Variants in CFAP65 observed in about 807,000 individuals in gnomAD.
The protein encoded by CFAP65 is cilia- and flagella-associated protein 65.
Under a neutral mutation model 208.0 loss-of-function variants are expected in CFAP65, and 155 were observed. The ratio of observed to expected loss-of-function variants is 0.75; its 90% CI spans 0.65 to 0.85. CFAP65 has a LOEUF of 0.85. Ranked by LOEUF, CFAP65 falls within the 40% of genes least tolerant of loss-of-function variation. CFAP65 has a pLI of 0.00. For synonymous variants in CFAP65, 970 were observed against 986.3 expected (o/e 0.98, Z 0.31); for missense variants, 2,294 against 2,451.3 (o/e 0.94, Z 1.36).
chr2:219,038,491 T>C lies in CFAP65; in HGVS notation c.241A>G (p.Ser81Gly), dbSNP rs1242448854. ...CCAGAGTTCACGGTGTGGTTCCTGCTGTTCCTGGACCTCACGACGGAGCTT... is the reference window on the plus strand; with the variant it reads ...CCAGAGTTCACGGTGTGGTTCCTGCCGTTCCTGGACCTCACGACGGAGCTT... ...APSSVVRSRN[S>G]RNHTVNSGGS... The change falls in exon 4 of 35, where the codon AGC becomes GGC. Residue 81 changes from serine (S) to glycine (G), a missense_variant. Ser to Gly is a moderately conservative substitution (Grantham distance 56). Around this residue, in one of 2 missense-constraint regions of CFAP65, gnomAD observed 867 missense variants for 1,012.6 expected, o/e 0.86. Transcript: ENST00000341552. 1.2e-6 allele frequency: 2 copies of C among 1,614,194 alleles called. No individual in the cohort carries two copies. Among genetic ancestry groups the C allele is most frequent in the South Asian group, 1.1e-5 (1 of 91,074 alleles).
At position 219,003,343 on chromosome 2, in the gene CFAP65, C is replaced by T. The variant is rs1945713697; in HGVS notation, c.5556-71G>A. ...GCGCCTCCTCGCTCGCCTGTCCGTG[C>T]GGTACATTGTGCCGCGAGCTCTACG... is the stretch of plus-strand genomic sequence containing the variant. On this transcript the variant is annotated intron_variant, in intron 33 of 34. Transcript: ENST00000341552. The surrounding 1 kb of genome is among the most constrained non-coding windows in gnomAD (Gnocchi z 4.4). 4.8e-6 allele frequency: 7 copies of T among 1,458,710 alleles called. No individual in the cohort carries two copies. Among genetic ancestry groups the T allele is most frequent in the Non-Finnish European group, 4.5e-6 (5 of 1,104,676 alleles). The allele number at this position is 1,458,710 out of a possible 1,614,324, so 90.4% of individuals were successfully genotyped here.
rs371625220 is a variant in CFAP65, at chr2:219,030,214, T to C, written c.1162-6A>G. 1.2e-6 allele frequency: 2 copies of C among 1,613,570 alleles called. No individual in the cohort carries two copies. The highest frequency in any genetic ancestry group is 2.2e-5 in the South Asian group (2 of 91,058). On this transcript the variant is annotated splice_region_variant and splice_polypyrimidine_tract_variant and intron_variant, in intron 9 of 34. Coordinates refer to ENST00000341552, the MANE Select transcript of CFAP65 (RefSeq NM_194302.4). ...ATCCTGAAGGGGGCATTTACCTGTGTGGCCAAGCAGAAGGACAAAGGGTCA... is the reference window on the plus strand; with the variant it reads ...ATCCTGAAGGGGGCATTTACCTGTGCGGCCAAGCAGAAGGACAAAGGGTCA...
At position 219,004,929 on chromosome 2, in the gene CFAP65, CCT is replaced by C. The variant is rs994570162; in HGVS notation, c.5052-476_5052-475del. Among the ~76,000 whole-genome samples the C allele has an allele frequency of 6.9e-6, 1 of 144,414 alleles. No individual in the cohort carries two copies. The highest frequency in any genetic ancestry group is 2.8e-5 in the African/African-American group (1 of 35,388). 94.7% of individuals were successfully genotyped at this position (144,414 alleles called of 152,430 possible). A position where few individuals can be genotyped will look rare whatever the true frequency, so the allele number is the denominator to read the frequency against. ...TCTCTTTCTTTCTCTCTCTTTCTCT[CCT>C]CTTTTTTCTTTCTTTCTTTCTTTCT... On this transcript the variant is annotated intron_variant, in intron 32 of 34. Coordinates refer to ENST00000341552, the MANE Select transcript of CFAP65 (RefSeq NM_194302.4). This position sits in a 1 kb window ranked among gnomAD's most constrained non-coding sequence, Gnocchi z 4.7.
rs1022842189 is a variant in CFAP65 at position 219,030,981 on chromosome 2, G to C, written c.1015+125C>G. On this transcript the variant is annotated intron_variant, in intron 8 of 34. Coordinates refer to ENST00000341552, the MANE Select transcript of CFAP65 (RefSeq NM_194302.4). ...CAAAAGGCAAAGCCTTCTGGGCTTGGGGGAGGGCAGGAGGCCGGTGGAGGC... is the reference window on the plus strand; with the variant it reads ...CAAAAGGCAAAGCCTTCTGGGCTTGCGGGAGGGCAGGAGGCCGGTGGAGGC... 22 of 1,426,794 alleles carry C rather than the reference G, an allele frequency of 1.5e-5. No homozygotes were observed. The African/African-American group carries it at 2.4e-4, about 16-fold the overall frequency. The allele number at this position is 1,426,794 out of a possible 1,614,324, so 88.4% of individuals were successfully genotyped here.
At chr2:219,024,470 A>AGGGAGACGGGGGGG (rs1168795562) in intron 14 of CFAP65, among the ~76,000 whole-genome samples, 1 of 6,948 alleles carries the variant, frequency 1.4e-4, no homozygotes, top group African/African-American at 7.1e-4. Flanking sequence ...ACCTCCAGAA[A>AGGGAGACGGGGGGG]GGGGCGGGGG....
intron 4 of CFAP65, among the ~76,000 whole-genome samples, chr2:219,036,252 C>T (rs1480298934): frequency 6.6e-6 from 1 of 152,164 alleles, no homozygotes; most frequent in Non-Finnish European, 1.5e-5. Context: ...GTGATTGATG[C>T]TAGTGCTGCC....
chr2:219,015,886 T>C (rs1416957346), intron 21 of CFAP65, among the ~76,000 whole-genome samples: 2 of 152,190 alleles, frequency 1.3e-5, no homozygotes, highest in Non-Finnish European at 2.9e-5. Context: ...TAGATATATG[T>C]ATTGATCTAA....
Position 219,030,848 on chromosome 2 carries a change from G to A in CFAP65, c.1016-14C>T, listed in dbSNP as rs202220607. 1.2e-6 allele frequency: 2 copies of A among 1,611,090 alleles called. No homozygotes were observed. The highest frequency in any genetic ancestry group is 1.7e-6 in the Non-Finnish European group (2 of 1,178,156). On this transcript the variant is annotated splice_polypyrimidine_tract_variant and intron_variant, in intron 8 of 34. Transcript: ENST00000341552. ...GGGCGCACTTGGCTGGGGCAGAGAT[G>A]GGGGAGTCTTGGGGGAACCCACCAG...
At chr2:219,029,021 G>C (rs1445362207) in intron 11 of CFAP65, among the ~76,000 whole-genome samples, 1 of 152,214 alleles carries the variant, frequency 6.6e-6, no homozygotes, top group Non-Finnish European at 1.5e-5. Context: ...AAAGCTCTCT[G>C]CCCTATGCAT....
upstream of CFAP65, chr2:219,041,539 T>A: frequency 6.4e-7 from 1 of 1,550,454 alleles, no homozygotes; most frequent in African/African-American, 1.4e-5. Flanking sequence ...GGAAACGGCG[T>A]CTTCAGATAT....
At chr2:219,027,520 A>G in intron 13 of CFAP65, 130 bp downstream of exon 13, 2 of 1,608,980 alleles carry the variant, frequency 1.2e-6, no homozygotes, top group South Asian at 2.2e-5. Flanking sequence ...GTCACTGTCC[A>G]GCCAAGAGAA....
intron 1 of CFAP65, 100 bp downstream of exon 1, chr2:219,041,388 A>G: frequency 7.4e-7 from 1 of 1,354,820 alleles, no homozygotes; most frequent in East Asian, 2.5e-5. Context: ...TCTGGCCACG[A>G]TTTCCCGAAG....
chr2:219,035,530 C>T lies in CFAP65; in HGVS notation c.492G>A (p.Arg164=), dbSNP rs1407081300. Residue 164 remains arginine (R), a synonymous_variant, in exon 5 of 35, where the codon AGG becomes AGA. Coordinates refer to ENST00000341552, the MANE Select transcript of CFAP65 (RefSeq NM_194302.4). The part of the protein sequence containing the change: ...KGWELGKETT[R]NLVLKNRSLK... The stretch of plus-strand genomic sequence containing the variant: ...AGGATCGATTTTTCAGAACCAGATT[C>T]CTTGTGGTCTCCTTTCCTAGCTCCC... 6.2e-7 allele frequency: 1 copy of T among 1,614,074 alleles called. No homozygotes were observed.
rs546060572 is a variant in CFAP65, at chr2:219,029,659, A to G, written c.1394T>C (p.Val465Ala). The G allele has an allele frequency of 6.2e-7, 1 of 1,613,952 alleles. No individual in the cohort carries two copies. Among genetic ancestry groups the G allele is most frequent in the Non-Finnish European group, 8.5e-7 (1 of 1,179,904 alleles). Residue 465 changes from valine (V) to alanine (A), a missense_variant, in exon 11 of 35, where the codon GTG (valine) becomes GCG (alanine). Around this residue, in one of 2 missense-constraint regions of CFAP65, gnomAD observed 867 missense variants for 1,012.6 expected, o/e 0.86. Transcript: ENST00000341552. ...KVVGFCRGPA[V>A]SLQHYCVNFS... ...GTTGACACAGTAGTGCTGCAGGGAC[A>G]CAGCAGGGCCTGGACACAGGAGATG...
At chr2:219,033,201 G>T (rs1299440047) in intron 5 of CFAP65, among the ~76,000 whole-genome samples, 1 of 152,238 alleles carries the variant, frequency 6.6e-6, no homozygotes, top group Non-Finnish European at 1.5e-5. Context: ...GCCAGGCACA[G>T]TGCCTCACAT....
intron 22 of CFAP65, 123 bp downstream of exon 22, chr2:219,013,745 C>A: frequency 8.6e-7 from 1 of 1,156,358 alleles, no homozygotes; most frequent in Admixed American, 1.8e-5. Flanking sequence ...ACCTCCTCTG[C>A]AGGTGAGAAG....
chr2:219,009,648 G>A, intron 27 of CFAP65, among the ~76,000 whole-genome samples, 188 bp from the exon 28 acceptor site: 1 of 121,500 alleles, frequency 8.2e-6, no homozygotes, highest in African/African-American at 3.7e-5. Context: ...GGATGGGATG[G>A]GATGGGATAG....
chr2:219,037,814 T>C (rs533783635), intron 4 of CFAP65, among the ~76,000 whole-genome samples: 54 of 152,156 alleles, frequency 3.5e-4, no homozygotes, highest in Non-Finnish European at 6.6e-4. Context: ...CCATACACCA[T>C]ACAACACAGA....
chr2:219,028,138 G>A (rs1400200746), intron 12 of CFAP65, 63 bp downstream of exon 12: 1 of 1,584,658 alleles, frequency 6.3e-7, no homozygotes, highest in South Asian at 1.2e-5. Context: ...ATGGGACCCT[G>A]GGGGCATGGG....
Sources: allele counts gnomAD v4.1 joint callset (sites outside exome capture counted in the v4.1 genomes callset), GRCh38; gene constraint gnomAD v4.1.1; regional missense constraint gnomAD v4.1.1; non-coding constraint Gnocchi (gnomAD v3.1); transcripts MANE v1.5; gene names NCBI Gene and HGNC (gene_info 2026-07-23, HGNC 2026-07-21).